Variants in ATRNL1 observed in about 807,000 individuals in gnomAD.
The protein encoded by ATRNL1 is attractin like 1, also known as attractin-like protein 1.
In ATRNL1, 95 loss-of-function variants were observed where a neutral mutation model predicts 182.7. The ratio of observed to expected loss-of-function variants is 0.52; its 90% CI spans 0.44 to 0.62. The LOEUF is 0.62. ATRNL1 is among the 20% of genes least tolerant of loss of function. The pLI, the probability that ATRNL1 is intolerant of heterozygous loss-of-function variation, is 0.00. For synonymous variants in ATRNL1, 576 were observed against 568.3 expected, an observed-to-expected ratio of 1.01 and a Z score of -0.19; for missense variants, 1,471 against 1,679.5, an observed-to-expected ratio of 0.88 and a Z score of 2.17.
At chr10:115,602,677 C>G (rs1174617023) in intron 26 of ATRNL1, among the ~76,000 whole-genome samples, 2 of 152,174 alleles carry the variant, frequency 1.3e-5, no homozygotes, top group Non-Finnish European at 2.9e-5. Context: ...TCCTGGCTAA[C>G]ACGGTGAAAC....
At chr10:115,921,877 ATTAAC>A (rs1366201164) in intron 28 of ATRNL1, among the ~76,000 whole-genome samples, 1 of 152,232 alleles carries the variant, frequency 6.6e-6, no homozygotes, top group Non-Finnish European at 1.5e-5. Context: ...ATAAAAACAG[ATTAAC>A]TTAATATTGT....
chr10:115,483,334 A>G (rs1485418239), intron 24 of ATRNL1, among the ~76,000 whole-genome samples: 1 of 151,440 alleles, frequency 6.6e-6, no homozygotes, highest in African/African-American at 2.4e-5. Flanking sequence ...TTAGAAAGAG[A>G]GGGCATCTTG....
chr10:115,744,938 A>C (rs1234954477), intron 27 of ATRNL1, among the ~76,000 whole-genome samples: 3 of 152,158 alleles, frequency 2.0e-5, no homozygotes, highest in Non-Finnish European at 4.4e-5. Context: ...TTATACAAAT[A>C]AGAAGCCTCA....
intron 28 of ATRNL1, among the ~76,000 whole-genome samples, chr10:115,930,352 C>G (rs186712591): frequency 6.6e-6 from 1 of 152,178 alleles, no homozygotes; most frequent in Non-Finnish European, 1.5e-5. Context: ...CTCTTCAGGT[C>G]GGATCATAAG....
intron 14 of ATRNL1, among the ~76,000 whole-genome samples, chr10:115,283,136 A>G (rs1554917538): frequency 6.6e-6 from 1 of 152,148 alleles, no homozygotes; most frequent in Non-Finnish European, 1.5e-5. Context: ...CATTGCGGTC[A>G]GGTACGGTGT....
intron 28 of ATRNL1, among the ~76,000 whole-genome samples, chr10:115,875,510 A>G (rs543077319): frequency 1.3e-5 from 2 of 152,298 alleles, no homozygotes; most frequent in East Asian, 3.9e-4. Context: ...AAATTCCCCA[A>G]ACTAAGACAT....
chr10:115,653,466 C>G (rs1860137913), intron 26 of ATRNL1, among the ~76,000 whole-genome samples: 1 of 152,248 alleles, frequency 6.6e-6, no homozygotes, highest in South Asian at 2.1e-4. Flanking sequence ...TTTTTGTTTT[C>G]TAGATCTGTT....
intron 19 of ATRNL1, among the ~76,000 whole-genome samples, chr10:115,336,983 G>GA (rs1433631084): frequency 6.8e-5 from 10 of 146,750 alleles, no homozygotes; most frequent in Admixed American, 2.7e-4. Flanking sequence ...GTAGCTGGGG[G>GA]GGGGGGACTA....
chr10:115,307,293 C>T (rs781895770), intron 17 of ATRNL1, among the ~76,000 whole-genome samples: 27 of 152,178 alleles, frequency 1.8e-4, no homozygotes, highest in South Asian at 1.2e-3. Context: ...GACAGAGTCT[C>T]GCTCTGTCAC....
chr10:115,447,594 A>G (rs1427517230), intron 21 of ATRNL1, among the ~76,000 whole-genome samples: 1 of 151,910 alleles, frequency 6.6e-6, no homozygotes, highest in African/African-American at 2.4e-5. Context: ...AGATTTATCA[A>G]TGCTAATATA....
chr10:115,881,381 G>T (rs2134441257), intron 28 of ATRNL1, among the ~76,000 whole-genome samples: 1 of 152,310 alleles, frequency 6.6e-6, no homozygotes, highest in South Asian at 2.1e-4. Context: ...TTTGCAGTTT[G>T]CAGCGCCCCT....
intron 26 of ATRNL1, among the ~76,000 whole-genome samples, chr10:115,648,754 A>G (rs1312079114): frequency 6.6e-6 from 1 of 152,170 alleles, no homozygotes; most frequent in Non-Finnish European, 1.5e-5. Context: ...AAGGTAGTTT[A>G]TTACTTTTGG....
intron 26 of ATRNL1, among the ~76,000 whole-genome samples, chr10:115,590,674 G>T (rs547326121): frequency 1.6e-4 from 24 of 152,060 alleles, no homozygotes; most frequent in Admixed American, 3.3e-4. Flanking sequence ...TCATCTAATT[G>T]TCTAATCTTA....
At chr10:115,577,663 G>A (rs1854809771) in intron 26 of ATRNL1, among the ~76,000 whole-genome samples, 1 of 131,478 alleles carries the variant, frequency 7.6e-6, no homozygotes, top group South Asian at 2.4e-4. Flanking sequence ...TAGCCTTATA[G>A]GGTATTTTAC....
chr10:115,378,331 G>A (rs782320438), intron 19 of ATRNL1, among the ~76,000 whole-genome samples: 7 of 152,154 alleles, frequency 4.6e-5, no homozygotes, highest in African/African-American at 1.4e-4. Flanking sequence ...AGGCAGAACT[G>A]ATTTCAGGCT....
intron 10 of ATRNL1, among the ~76,000 whole-genome samples, chr10:115,258,632 A>G (rs527726333): frequency 6.6e-6 from 1 of 152,134 alleles, no homozygotes; most frequent in Non-Finnish European, 1.5e-5. Flanking sequence ...TGTCAAAGTC[A>G]TTCTCCATCC....
At chr10:115,452,044 G>A (rs544931181) in intron 21 of ATRNL1, among the ~76,000 whole-genome samples, 3 of 152,212 alleles carry the variant, frequency 2.0e-5, no homozygotes, top group African/African-American at 7.2e-5. Flanking sequence ...ACTTACAAGT[G>A]GTAGCTAAAT....
chr10:115,537,528 A>G (rs914526987), intron 25 of ATRNL1, among the ~76,000 whole-genome samples: 4 of 152,322 alleles, frequency 2.6e-5, no homozygotes, highest in South Asian at 2.1e-4. Flanking sequence ...TAAATTAGCC[A>G]AAGTGGTAAT....
At chr10:115,762,786 A>G (rs982054080) in intron 27 of ATRNL1, among the ~76,000 whole-genome samples, 51 of 152,236 alleles carry the variant, frequency 3.4e-4, no homozygotes, top group African/African-American at 1.2e-3. Flanking sequence ...AATCATCAAC[A>G]TAATTATTCT....
Sources: allele counts gnomAD v4.1 joint callset (sites outside exome capture counted in the v4.1 genomes callset), GRCh38; gene constraint gnomAD v4.1.1; transcripts MANE v1.5; gene names NCBI Gene and HGNC (gene_info 2026-07-23, HGNC 2026-07-21).